Variants in TMEM165 observed in about 807,000 individuals in gnomAD.
TMEM165 encodes putative divalent cation/proton antiporter TMEM165.
Under a neutral mutation model 30.0 loss-of-function variants are expected in TMEM165, and 19 were observed. The observed-to-expected ratio is 0.63, with a 90% CI of 0.44 to 0.93. TMEM165 has a LOEUF of 0.93. Ranked by LOEUF, TMEM165 falls within the 40% of genes least tolerant of loss-of-function variation. TMEM165 has a pLI of 0.00. For missense variants in TMEM165, 340 were observed against 417.0 expected, an observed-to-expected ratio of 0.82 and a Z score of 1.61; for synonymous variants, 168 against 162.9, an observed-to-expected ratio of 1.03 and a Z score of -0.24.
At chr4:55,409,303 C>T (rs1313783486) in intron 1 of TMEM165, among the ~76,000 whole-genome samples, 4 of 152,176 alleles carry the variant, frequency 2.6e-5, no homozygotes, top group African/African-American at 9.7e-5. Context: ...TAAGGAATGA[C>T]ATGCACACTA....
At chr4:55,443,023 A>G (rs1723500278) in intron 3 of TMEM165, among the ~76,000 whole-genome samples, 1 of 152,118 alleles carries the variant, frequency 6.6e-6, no homozygotes, top group South Asian at 2.1e-4. Context: ...TATTCAATAA[A>G]CCATTATGCC....
intron 4 of TMEM165, among the ~76,000 whole-genome samples, chr4:55,422,549 A>C (rs112182344): frequency 2.6e-5 from 4 of 151,986 alleles, no homozygotes; most frequent in African/African-American, 9.7e-5. Flanking sequence ...TGAACCATCC[A>C]CCCACCCTGA....
At chr4:55,403,320 G>A (rs970925955) in intron 1 of TMEM165, 2 of 1,268,182 alleles carry the variant, frequency 1.6e-6, no homozygotes, top group Admixed American at 4.7e-5. Flanking sequence ...ATCATGTATA[G>A]ATGGAGATTC....
At chr4:55,414,501 C>T (rs375531975) in intron 2 of TMEM165, among the ~76,000 whole-genome samples, 11 of 151,922 alleles carry the variant, frequency 7.2e-5, no homozygotes, top group African/African-American at 2.4e-4. Context: ...GTTTGTTACA[C>T]AGGTATACAT....
intron 4 of TMEM165, among the ~76,000 whole-genome samples, chr4:55,420,156 T>G (rs1307386971): frequency 1.6e-5 from 2 of 128,276 alleles, no homozygotes; most frequent in African/African-American, 5.3e-5. Flanking sequence ...TTTTATTTAT[T>G]TATTTAATGG....
chr4:55,421,500 G>T (rs1426913658), intron 4 of TMEM165, among the ~76,000 whole-genome samples: 1 of 151,888 alleles, frequency 6.6e-6, no homozygotes, highest in Non-Finnish European at 1.5e-5. Context: ...GTTTTGCCAT[G>T]TTGCAGAGGC....
chr4:55,422,915 C>A (rs146194831), intron 4 of TMEM165, among the ~76,000 whole-genome samples: 1 of 152,078 alleles, frequency 6.6e-6, no homozygotes, highest in Non-Finnish European at 1.5e-5. Context: ...GCATTACAGG[C>A]GTGAGCCACT....
intron 4 of TMEM165, among the ~76,000 whole-genome samples, chr4:55,422,856 T>G (rs1722039232): frequency 6.6e-6 from 1 of 151,870 alleles, no homozygotes; most frequent in Non-Finnish European, 1.5e-5. Context: ...TCACCATGTT[T>G]CAGTCTCCTG....
At chr4:55,451,603 T>TA (rs375862209) in intron 3 of TMEM165, among the ~76,000 whole-genome samples, 1 of 152,292 alleles carries the variant, frequency 6.6e-6, no homozygotes, top group Non-Finnish European at 1.5e-5. Context: ...AAAGTAGACA[T>TA]AGCTGGTGTG....
At chr4:55,420,834 G>C (rs539595403) in intron 4 of TMEM165, among the ~76,000 whole-genome samples, 17 of 152,138 alleles carry the variant, frequency 1.1e-4, no homozygotes, top group Admixed American at 4.6e-4. Flanking sequence ...GCCAAAAAAG[G>C]GTGAGGGGGA....
intron 1 of TMEM165, among the ~76,000 whole-genome samples, chr4:55,405,862 C>T (rs148526777): frequency 1.3e-5 from 2 of 152,206 alleles, no homozygotes; most frequent in African/African-American, 4.8e-5. Flanking sequence ...TGAGCTTGTC[C>T]ACAAACATAA....
intron 3 of TMEM165, chr4:55,435,198 G>A: frequency 1.7e-6 from 1 of 582,512 alleles, no homozygotes; most frequent in African/African-American, 1.9e-5. Context: ...TGTCAGAACT[G>A]GCTATGCCCC....
At chr4:55,408,119 G>A (rs1721344839) in intron 1 of TMEM165, among the ~76,000 whole-genome samples, 2 of 152,130 alleles carry the variant, frequency 1.3e-5, no homozygotes, top group African/African-American at 4.8e-5. Context: ...TTTTAATCCT[G>A]TTAATATTTT....
rs149955144 is a variant in TMEM165, at chr4:55,446,451, T to C, written c.409-5788T>C. On this transcript the variant is annotated intron_variant, in intron 3 of 3. Transcript: ENST00000608091. ...GTATCAATTTCTGTCATCCCTAGAA[T>C]GCCCTCTATGTGTACATGAGTAGAA... 3.4e-3 allele frequency among the ~76,000 whole-genome samples: 515 copies of C among 152,298 alleles called. 2 individuals are homozygous for C. Among genetic ancestry groups the C allele is most frequent in the African/African-American group, 0.011 (471 of 41,558 alleles).
In TMEM165 at chr4:55,453,367, AAAAT is replaced by A. The variant is rs757456333; in HGVS notation, c.*1069_*1072del. The A allele has an allele frequency of 8.3e-4, 411 of 497,068 alleles. 1 individual carries two copies. Among genetic ancestry groups the A allele is most frequent in the Non-Finnish European group, 1.2e-3 (335 of 281,754 alleles). The allele number at this position is 497,068 out of a possible 1,614,324, so 30.8% of individuals were successfully genotyped here. A position where few individuals can be genotyped will look rare whatever the true frequency, so the allele number is the denominator to read the frequency against. On this transcript the variant is annotated 3_prime_UTR_variant, in exon 4 of 4. Coordinates refer to the TMEM165 transcript ENST00000608091. Reference sequence around the variant, plus strand: ...TAACCACACAATACTTAAATTAAGAAAAATAAATAAAGGAAGTGTATGCTTATCT... The same window carrying A: ...TAACCACACAATACTTAAATTAAGAAAAATAAAGGAAGTGTATGCTTATCT...
chr4:55,411,006 A>G (rs1379087210), intron 1 of TMEM165, among the ~76,000 whole-genome samples: 1 of 151,946 alleles, frequency 6.6e-6, no homozygotes, highest in African/African-American at 2.4e-5. Flanking sequence ...TTGGTGGTGC[A>G]TACCTATAAT....
intron 3 of TMEM165, chr4:55,449,568 T>C: frequency 7.9e-7 from 1 of 1,273,036 alleles, no homozygotes; most frequent in Non-Finnish European, 1.1e-6. Context: ...TCTCAAAATG[T>C]ATTTCAGTTA....
At chr4:55,445,497 A>G (rs1027275337) in intron 3 of TMEM165, among the ~76,000 whole-genome samples, 2 of 148,474 alleles carry the variant, frequency 1.3e-5, no homozygotes, top group African/African-American at 5.0e-5. Context: ...GCTTGTGGGG[A>G]GTCTTCTAAG....
chr4:55,430,181 T>G (rs1251396140), downstream of TMEM165: 1 of 151,948 alleles, frequency 6.6e-6, no homozygotes, highest in Non-Finnish European at 1.5e-5. Flanking sequence ...CTTACTAGTT[T>G]GATTGTCACT....
Sources: gnomAD v4.1 joint callset for allele counts (sites outside exome capture counted in the v4.1 genomes callset) on GRCh38, gnomAD v4.1.1 for gene constraint, MANE v1.5 for transcripts, NCBI Gene and HGNC (gene_info 2026-07-23, HGNC 2026-07-21) for gene names.